Variants in CDK14 observed in about 807,000 individuals in gnomAD.
The protein encoded by CDK14 is cyclin-dependent kinase 14.
In CDK14, 34 loss-of-function variants were observed where a neutral mutation model predicts 60.7. The observed-to-expected ratio is 0.56, with a 90% confidence interval of 0.43 to 0.75. The LOEUF (loss-of-function observed/expected upper bound fraction) is 0.75. CDK14 is among the 30% of genes least tolerant of loss of function. The pLI is 0.00. For synonymous variants in CDK14, 197 were observed against 203.7 expected (o/e 0.97, Z 0.28); for missense variants, 482 against 564.1 (o/e 0.85, Z 1.47).
intron 1 of CDK14, among the ~76,000 whole-genome samples, chr7:90,601,920 TTTTA>T (rs751043050): frequency 0.017 from 2,102 of 125,812 alleles, 16 homozygotes; most frequent in Middle Eastern, 0.028. Context: ...GCTTGGCTAA[TTTTA>T]TGTATGTATG....
intron 9 of CDK14, among the ~76,000 whole-genome samples, chr7:90,977,627 T>G (rs1170326280): frequency 3.9e-5 from 6 of 152,128 alleles, no homozygotes; most frequent in Non-Finnish European, 5.9e-5. Context: ...TCACTCATGA[T>G]GTTAACCTTT....
chr7:90,726,922 A>G (rs895415520), intron 3 of CDK14, 110 bp downstream of exon 3: 1 of 1,291,010 alleles, frequency 7.7e-7, no homozygotes, highest in Non-Finnish European at 1.1e-6. Context: ...CTTATTATGC[A>G]TTCTCTCCCA....
chr7:90,610,883 T>C (rs753022975), intron 2 of CDK14, among the ~76,000 whole-genome samples: 2 of 152,204 alleles, frequency 1.3e-5, no homozygotes, highest in African/African-American at 2.4e-5. Flanking sequence ...GACTTCGATA[T>C]ATGAATTTTT....
chr7:90,608,847 A>G (rs188253473), intron 2 of CDK14, among the ~76,000 whole-genome samples: 1 of 152,318 alleles, frequency 6.6e-6, no homozygotes, highest in Non-Finnish European at 1.5e-5. Context: ...ATTAAAAAAA[A>G]TTCTACATCT....
At chr7:90,748,906 C>T (rs1803700617) in intron 4 of CDK14, among the ~76,000 whole-genome samples, 2 of 152,106 alleles carry the variant, frequency 1.3e-5, no homozygotes, top group Admixed American at 1.3e-4. Flanking sequence ...AATATTGTAA[C>T]TTAAGTAATT....
intron 10 of CDK14, among the ~76,000 whole-genome samples, chr7:91,029,651 G>T (rs1584247329): frequency 1.2e-4 from 3 of 25,262 alleles, no homozygotes; most frequent in Admixed American, 4.5e-4. Flanking sequence ...TTCCCCTTCT[G>T]TTTCCTGCAG....
rs548948431 is a variant in CDK14, at chr7:90,858,736, C to T, written c.545-4439C>T. ...AAATAATGATCTCTGAGGATGTGTG[C>T]ACCTCAGAAGACTGGTGCAGAAGCA... On this transcript the variant is annotated intron_variant, in intron 5 of 14. Transcript: ENST00000380050. Among the ~76,000 whole-genome samples the T allele has an allele frequency of 5.3e-5, 8 of 152,190 alleles. No homozygotes were observed. The South Asian group carries it at 1.7e-3, about 32-fold the overall frequency.
At chr7:90,893,224 G>T (rs1323567051) in intron 6 of CDK14, among the ~76,000 whole-genome samples, 2 of 152,146 alleles carry the variant, frequency 1.3e-5, no homozygotes, top group Non-Finnish European at 2.9e-5. Context: ...ATATCTGGTA[G>T]CATTAAGGCA....
chr7:90,923,210 C>T (rs541664881), intron 8 of CDK14, among the ~76,000 whole-genome samples: 10 of 150,724 alleles, frequency 6.6e-5, no homozygotes, highest in South Asian at 6.3e-4. Context: ...CCCGGGTTCA[C>T]GCCATTCTCC....
intron 4 of CDK14, among the ~76,000 whole-genome samples, chr7:90,782,004 G>T (rs1002438824): frequency 1.3e-5 from 2 of 152,064 alleles, no homozygotes; most frequent in Non-Finnish European, 2.9e-5. Context: ...AAATTACCTT[G>T]GGCAGTATGG....
chr7:90,728,866 T>A (rs1230915191), intron 3 of CDK14, among the ~76,000 whole-genome samples: 13 of 152,228 alleles, frequency 8.5e-5, no homozygotes, highest in Admixed American at 8.5e-4. Flanking sequence ...TTTATTTAAG[T>A]ACTCTCAAAT....
intron 12 of CDK14, among the ~76,000 whole-genome samples, chr7:91,089,424 T>G (rs925111385): frequency 2.0e-5 from 3 of 152,136 alleles, no homozygotes; most frequent in Non-Finnish European, 4.4e-5. Flanking sequence ...TAAAGCCTTT[T>G]AGACACGCAG....
intron 7 of CDK14, among the ~76,000 whole-genome samples, chr7:90,903,081 A>G (rs1792568957): frequency 6.6e-6 from 1 of 152,170 alleles, no homozygotes; most frequent in Non-Finnish European, 1.5e-5. Context: ...AAAAGACAAA[A>G]CATAACAAAT....
At chr7:91,096,944 G>T (rs755510976) in intron 12 of CDK14, among the ~76,000 whole-genome samples, 2 of 152,076 alleles carry the variant, frequency 1.3e-5, no homozygotes, top group Non-Finnish European at 2.9e-5. Flanking sequence ...CCAAGTAAAA[G>T]AAAAGTCTAC....
Position 90,747,843 on chromosome 7 carries a change from T to C in CDK14, c.464+68T>C, listed in dbSNP as rs181737451. 3.8e-5 allele frequency: 24 copies of C among 637,316 alleles called. No individual in the cohort carries two copies. In the East Asian group the frequency reaches 7.6e-4, roughly 20 times the overall value. 39.5% of individuals were successfully genotyped at this position (637,316 alleles called of 1,614,324 possible). On this transcript the variant is annotated intron_variant, in intron 4 of 14. Coordinates refer to ENST00000380050, the MANE Select transcript of CDK14 (RefSeq NM_001287135.2). ...CTGCCCTCTTATTACTAAATAGCAT[T>C]TTATTTAAATAATTATTATTTAATA...
intron 5 of CDK14, among the ~76,000 whole-genome samples, chr7:90,847,104 C>T (rs1324411457): frequency 6.6e-6 from 1 of 152,156 alleles, no homozygotes; most frequent in East Asian, 1.9e-4. Flanking sequence ...CAAAACATTT[C>T]TCTAGGCAGG....
intron 6 of CDK14, among the ~76,000 whole-genome samples, chr7:90,877,583 T>C (rs537826488): frequency 2.6e-5 from 4 of 152,278 alleles, no homozygotes; most frequent in Non-Finnish European, 4.4e-5. Flanking sequence ...AATGGATTGA[T>C]TGATGTTTCT....
intron 2 of CDK14, among the ~76,000 whole-genome samples, chr7:90,672,063 A>G (rs1189464956): frequency 1.3e-5 from 2 of 152,174 alleles, no homozygotes; most frequent in African/African-American, 4.8e-5. Context: ...GCCTGGAGTT[A>G]ATGTGGAAAG....
At chr7:91,051,773 G>A (rs758869280) in intron 11 of CDK14, among the ~76,000 whole-genome samples, 35 of 152,174 alleles carry the variant, frequency 2.3e-4, no homozygotes, top group Non-Finnish European at 3.2e-4. Context: ...TTCCTCCTGG[G>A]ATAATGAGAG....
Sources: allele counts gnomAD v4.1 joint callset (sites outside exome capture counted in the v4.1 genomes callset), GRCh38; gene constraint gnomAD v4.1.1; transcripts MANE v1.5; gene names NCBI Gene and HGNC (gene_info 2026-07-23, HGNC 2026-07-21).